The following PRR16 variants were observed in gnomAD, a reference collection of about 807,000 sequenced individuals.
PRR16 encodes protein Largen.
A neutral mutation model predicts 18.2 loss-of-function variants in PRR16; 6 were observed. The observed-to-expected ratio is 0.33, with a 90% CI of 0.18 to 0.65. PRR16 has a LOEUF of 0.65. PRR16 is among the 30% of genes least tolerant of loss of function. The pLI is 0.74. For synonymous variants in PRR16, 151 were observed against 147.8 expected (o/e 1.02, Z -0.16); for missense variants, 412 against 376.6 (o/e 1.09, Z -0.78).
At chr5:120,771,789 T>C in the PRR16 span, among the ~76,000 whole-genome samples, 1 of 151,986 alleles carries the variant, frequency 6.6e-6, no homozygotes, top group African/African-American at 2.4e-5. Flanking sequence ...TGTTAGTATA[T>C]TTTATATTAT....
chr5:120,471,152 A>G (rs1343361853), intron 1 of PRR16, among the ~76,000 whole-genome samples: 1 of 152,184 alleles, frequency 6.6e-6, no homozygotes, highest in Non-Finnish European at 1.5e-5. Flanking sequence ...TGCAGAAAAC[A>G]GTATTGAGAC....
the PRR16 span, among the ~76,000 whole-genome samples, chr5:120,758,638 C>A: frequency 6.6e-6 from 1 of 152,010 alleles, no homozygotes; most frequent in Non-Finnish European, 1.5e-5. Context: ...TTAAAAGTGG[C>A]AGTTTCTCCT....
chr5:120,695,840 C>T, the PRR16 span, among the ~76,000 whole-genome samples: 3 of 151,932 alleles, frequency 2.0e-5, no homozygotes, highest in African/African-American at 4.8e-5. Context: ...GAAATAACTT[C>T]GTTTTGTAAG....
chr5:120,690,717 T>G (rs10043860), downstream of PRR16, among the ~76,000 whole-genome samples: 4 of 152,168 alleles, frequency 2.6e-5, no homozygotes, highest in Admixed American at 2.6e-4. Flanking sequence ...TTACATGATT[T>G]TGAAATAATG....
chr5:120,791,530 C>CCTTTTTTTT, the PRR16 span, among the ~76,000 whole-genome samples: 9 of 151,938 alleles, frequency 5.9e-5, no homozygotes, highest in Admixed American at 5.9e-4. Flanking sequence ...AAAAAGGTCA[C>CCTTTTTTTT]TAATCCTAAG....
At chr5:120,697,672 C>A in the PRR16 span, among the ~76,000 whole-genome samples, 1 of 151,356 alleles carries the variant, frequency 6.6e-6, no homozygotes, top group Non-Finnish European at 1.5e-5. Flanking sequence ...AGGGTGGGGC[C>A]GTTTTATAGG....
At chr5:120,690,041 G>A (rs1757191295), downstream of PRR16, among the ~76,000 whole-genome samples, 1 of 152,004 alleles carries the variant, frequency 6.6e-6, no homozygotes, top group African/African-American at 2.4e-5. Context: ...AATAATATTG[G>A]AAGAAATGAA....
At chr5:120,665,482 T>C (rs1284805895) in intron 1 of PRR16, among the ~76,000 whole-genome samples, 3 of 152,182 alleles carry the variant, frequency 2.0e-5, no homozygotes, top group Non-Finnish European at 2.9e-5. Flanking sequence ...TTTGTCAATT[T>C]TGGCTTTTGT....
the PRR16 span, among the ~76,000 whole-genome samples, chr5:120,702,514 T>G: frequency 8.5e-5 from 13 of 152,086 alleles, no homozygotes; most frequent in Non-Finnish European, 1.9e-4. Flanking sequence ...AAAGCGGGAC[T>G]TGCTGTTAAG....
At chr5:120,613,392 T>C (rs985264) in intron 1 of PRR16, among the ~76,000 whole-genome samples, 32,199 of 151,992 alleles carry the variant, frequency 0.21, 4,270 homozygotes, top group Middle Eastern at 0.38. Context: ...GTTTACATTT[T>C]TTAAAATCCT....
the PRR16 span, among the ~76,000 whole-genome samples, chr5:120,697,003 T>A: frequency 6.6e-6 from 1 of 152,162 alleles, no homozygotes; most frequent in Non-Finnish European, 1.5e-5. Context: ...GCCCTTAAAT[T>A]AATGTATGAA....
the PRR16 span, among the ~76,000 whole-genome samples, chr5:120,751,199 C>CTT: frequency 6.6e-6 from 1 of 152,156 alleles, no homozygotes; most frequent in South Asian, 2.1e-4. Flanking sequence ...TCGATGGGCA[C>CTT]TTAGGTAATT....
chr5:120,494,594 A>C (rs1750180993), intron 1 of PRR16, among the ~76,000 whole-genome samples: 1 of 152,114 alleles, frequency 6.6e-6, no homozygotes, highest in African/African-American at 2.4e-5. Context: ...GGTCTTTCTT[A>C]GAGCAAAAGT....
chr5:120,507,834 C>G (rs980818145), intron 1 of PRR16, among the ~76,000 whole-genome samples: 51 of 152,038 alleles, frequency 3.4e-4, no homozygotes, highest in Admixed American at 1.2e-3. Flanking sequence ...TCAATGTAAA[C>G]TTTCTATTTT....
rs146583637 is a variant in PRR16, at chr5:120,550,558, A to G, written c.159+85913A>G. Among the ~76,000 whole-genome samples, 459 of 152,174 alleles carry G rather than the reference A, an allele frequency of 3.0e-3. 2 individuals carry two copies. The highest frequency in any genetic ancestry group is 0.011 in the African/African-American group (442 of 41,540). On this transcript the variant is annotated intron_variant, in intron 1 of 1. Coordinates refer to ENST00000407149, the MANE Select transcript of PRR16 (RefSeq NM_001300783.2). ...GAAATGAGTGGACTTCAACGCATGCAGTAAAAGGGTGTTTGAAAAATGCAT... is the reference window on the plus strand; with the variant it reads ...GAAATGAGTGGACTTCAACGCATGCGGTAAAAGGGTGTTTGAAAAATGCAT...
At chr5:120,532,410 T>G (rs909754113) in intron 1 of PRR16, among the ~76,000 whole-genome samples, 2 of 152,094 alleles carry the variant, frequency 1.3e-5, no homozygotes, top group African/African-American at 4.8e-5. Flanking sequence ...ACTAGTAGGA[T>G]AACTATCCCT....
chr5:120,551,611 T>C (rs769253781), intron 1 of PRR16, among the ~76,000 whole-genome samples: 2 of 152,026 alleles, frequency 1.3e-5, no homozygotes, highest in Non-Finnish European at 2.9e-5. Context: ...TATCACTGTG[T>C]GTTAAATGCA....
At chr5:120,707,199 G>C in the PRR16 span, among the ~76,000 whole-genome samples, 7 of 152,172 alleles carry the variant, frequency 4.6e-5, no homozygotes, top group Non-Finnish European at 8.8e-5. Context: ...AGGCCATCTT[G>C]TTCACCATTA....
chr5:120,480,232 G>A (rs1193614029), intron 1 of PRR16, among the ~76,000 whole-genome samples: 1 of 152,108 alleles, frequency 6.6e-6, no homozygotes, highest in Non-Finnish European at 1.5e-5. Context: ...CCCAGTGTTT[G>A]TGATTGTTTC....
Sources: gnomAD v4.1 joint callset for allele counts (sites outside exome capture counted in the v4.1 genomes callset) on GRCh38, gnomAD v4.1.1 for gene constraint, MANE v1.5 for transcripts, NCBI Gene and HGNC (gene_info 2026-07-23, HGNC 2026-07-21) for gene names.